Variants in EFHB observed in about 807,000 individuals in gnomAD.
The protein encoded by EFHB is EF-hand domain family member B, also known as EF-hand domain-containing family member B.
Under a neutral mutation model 87.2 loss-of-function variants are expected in EFHB, and 91 were observed. The observed-to-expected ratio is 1.04, with a 90% CI of 0.88 to 1.24. The LOEUF is 1.24. Ranked by LOEUF, EFHB falls within the 50% of genes most tolerant of loss-of-function variation. The probability of loss-of-function intolerance (pLI) is 0.00; values close to 1 mark genes in which losing one functional copy is unlikely to be tolerated. For synonymous variants in EFHB, 325 were observed against 333.6 expected (o/e 0.97, Z 0.28); for missense variants, 1,084 against 998.8 (o/e 1.09, Z -1.15).
chr3:19,900,077 A>T (rs1282432333), intron 6 of EFHB, among the ~76,000 whole-genome samples: 1 of 152,078 alleles, frequency 6.6e-6, no homozygotes, highest in Non-Finnish European at 1.5e-5. Context: ...TGTCTCAAAA[A>T]AATAAAATAA....
At chr3:19,908,658 G>GAA (rs1694952730) in intron 5 of EFHB, among the ~76,000 whole-genome samples, 1 of 146,840 alleles carries the variant, frequency 6.8e-6, no homozygotes, top group Admixed American at 6.9e-5. Flanking sequence ...GAAAGAAAAA[G>GAA]AAAGTTCTGT....
chr3:19,886,356 T>C (rs1295840097), intron 10 of EFHB, among the ~76,000 whole-genome samples: 1 of 152,180 alleles, frequency 6.6e-6, no homozygotes, highest in Non-Finnish European at 1.5e-5. Flanking sequence ...GTGAAAATAG[T>C]AGTATCTCCA....
At chr3:19,945,117 G>T (rs1559482084) in intron 1 of EFHB, among the ~76,000 whole-genome samples, 1 of 152,196 alleles carries the variant, frequency 6.6e-6, no homozygotes, top group Non-Finnish European at 1.5e-5. Flanking sequence ...CAGCAGTTAT[G>T]GGCAATGATA....
At chr3:19,942,431 A>G (rs1168121513) in intron 1 of EFHB, 2 of 152,364 alleles carry the variant, frequency 1.3e-5, no homozygotes, top group Admixed American at 1.3e-4. Context: ...AGAATAACAG[A>G]GCAGCTGTCC....
At position 19,908,598 on chromosome 3, in the gene EFHB, G is replaced by GAGAGAA. The variant is rs1694937855; in HGVS notation, c.1289-2850_1289-2849insTTCTCT. ...AGAGAGAGAGAGAGAGAGAGAGAGA[G>GAGAGAA]AGAAAGAAAGAAAGAAAGAAAGAAA... is the stretch of plus-strand genomic sequence containing the variant. On this transcript the variant is annotated intron_variant, in intron 5 of 12. Coordinates refer to ENST00000295824, the MANE Select transcript of EFHB (RefSeq NM_144715.4). Among the ~76,000 whole-genome samples, 293 of 77,772 alleles carry GAGAGAA rather than the reference G, an allele frequency of 3.8e-3. 1 individual carries two copies. Among genetic ancestry groups the GAGAGAA allele is most frequent in the Middle Eastern group, 0.014 (2 of 142 alleles). The allele number at this position is 77,772 out of a possible 152,430, so 51.0% of individuals were successfully genotyped here.
chr3:19,900,195 A>G (rs111437678), intron 6 of EFHB, among the ~76,000 whole-genome samples: 57 of 151,266 alleles, frequency 3.8e-4, no homozygotes, highest in Admixed American at 5.2e-4. Context: ...TGGAGGATCA[A>G]TCGAGGCTAG....
intron 5 of EFHB, among the ~76,000 whole-genome samples, chr3:19,909,482 T>C (rs1694983213): frequency 6.6e-6 from 1 of 152,148 alleles, no homozygotes; most frequent in Non-Finnish European, 1.5e-5. Context: ...TGAAAGGCAG[T>C]CTAGGCCATA....
chr3:19,920,105 C>T, intron 2 of EFHB, 129 bp from the exon 3 acceptor site: 1 of 941,882 alleles, frequency 1.1e-6, no homozygotes. Context: ...ACTACAGCCC[C>T]AAATAATGAA....
chr3:19,933,803 C>G lies in EFHB; in HGVS notation c.216G>C (p.Met72Ile). The stretch of plus-strand genomic sequence containing the variant: ...TAGAAATATTCTGTCTTTCTAATCC[C>G]ATTTCAAGCCCCTTGCTCAATGGAA... ...TKFPLSKGLE[M>I]GLERQNISRT... The change falls in exon 1 of 13, where the codon ATG becomes ATC. Residue 72 changes from methionine (M) to isoleucine (I), a missense_variant. Transcript: ENST00000295824. 1.2e-6 allele frequency: 2 copies of G among 1,613,986 alleles called. No homozygotes were observed. Among genetic ancestry groups the G allele is most frequent in the Non-Finnish European group, 1.7e-6 (2 of 1,179,890 alleles).
chr3:19,935,136 C>A (rs1410227688), upstream of EFHB, among the ~76,000 whole-genome samples: 4 of 152,088 alleles, frequency 2.6e-5, no homozygotes, highest in African/African-American at 9.7e-5. Context: ...GTCTCAAACA[C>A]CTGACCTCAA....
Position 19,885,053 on chromosome 3 carries a change from C to T in EFHB, c.1934-438G>A, listed in dbSNP as rs893449298. On this transcript the variant is annotated intron_variant, in intron 10 of 12. Coordinates refer to ENST00000295824, the MANE Select transcript of EFHB (RefSeq NM_144715.4). ...CCTGGCCAACATGATGAAACCCCGT[C>T]TCTATTAAAAATATAAAAGTTAGTC... 2.0e-5 allele frequency among the ~76,000 whole-genome samples: 3 copies of T among 151,852 alleles called. No individual in the cohort carries two copies. In the South Asian group the frequency reaches 6.2e-4, roughly 32 times the overall value.
At chr3:19,897,738 A>G (rs958868980) in intron 8 of EFHB, among the ~76,000 whole-genome samples, 4 of 152,090 alleles carry the variant, frequency 2.6e-5, no homozygotes, top group Non-Finnish European at 1.5e-5. Flanking sequence ...TTTCCTAATC[A>G]TCCCTTACCC....
At chr3:19,939,400 T>G (rs9811868) in intron 1 of EFHB, among the ~76,000 whole-genome samples, 42 of 111,442 alleles carry the variant, frequency 3.8e-4, no homozygotes, top group African/African-American at 1.2e-3. Flanking sequence ...TTTTTTTTTT[T>G]GGGATGGAGT....
chr3:19,918,500 G>T, intron 3 of EFHB, 88 bp from the exon 4 acceptor site: 2 of 1,229,852 alleles, frequency 1.6e-6, no homozygotes, highest in Non-Finnish European at 2.2e-6. Flanking sequence ...GGGGAGAGGA[G>T]ACTGTACGAT....
chr3:19,918,924 G>A (rs760698158), intron 3 of EFHB, among the ~76,000 whole-genome samples: 2 of 147,046 alleles, frequency 1.4e-5, no homozygotes, highest in Non-Finnish European at 3.0e-5. Context: ...AGGTTATAGT[G>A]AGCCAAGACC....
chr3:19,908,453 A>G (rs1032073800), intron 5 of EFHB, among the ~76,000 whole-genome samples: 7 of 151,854 alleles, frequency 4.6e-5, no homozygotes, highest in African/African-American at 1.7e-4. Flanking sequence ...GAATTGCTTG[A>G]ACCCAGGAGG....
rs1215013641 is a variant in EFHB, at chr3:19,897,932, T to C, written c.1570+846A>G. On this transcript the variant is annotated intron_variant, in intron 8 of 12. Transcript: ENST00000295824. Reference sequence around the variant, plus strand: ...CAATGAGTTGACTTTAGCCAAAACATTTTTCATAGTGGTTCTTAAACGTTA... The same window carrying C: ...CAATGAGTTGACTTTAGCCAAAACACTTTTCATAGTGGTTCTTAAACGTTA... Among the ~76,000 whole-genome samples the C allele has an allele frequency of 2.0e-5, 3 of 152,306 alleles. No homozygotes were observed. In the East Asian group the frequency reaches 5.8e-4, roughly 29 times the overall value.
In EFHB at chr3:19,943,383, C is replaced by T. The variant is rs1696204063; in HGVS notation, c.-32+3536G>A. 3 of 158,626 alleles carry T rather than the reference C, an allele frequency of 1.9e-5. No homozygotes were observed. The South Asian group carries it at 5.2e-4, about 27-fold the overall frequency. 9.8% of individuals were successfully genotyped at this position (158,626 alleles called of 1,614,324 possible). On this transcript the variant is annotated intron_variant, in intron 1 of 14. Transcript: ENST00000344838. ...ATAGGAACCCCAAAAGTGGCCACAG[C>T]ATTCAATAAATCCCCATAAATTCTT... is the stretch of plus-strand genomic sequence containing the variant.
rs762051850 is a variant in EFHB at position 19,888,442 on chromosome 3, A to G, written c.1933+2T>C. The G allele has an allele frequency of 1.5e-6, 2 of 1,369,236 alleles. No homozygotes were observed. The highest frequency in any genetic ancestry group is 3.9e-5 in the South Asian group (2 of 50,772). 84.8% of individuals were successfully genotyped at this position (1,369,236 alleles called of 1,614,324 possible). A position where few individuals can be genotyped will look rare whatever the true frequency, so the allele number is the denominator to read the frequency against. On this transcript the variant is annotated splice_donor_variant, in intron 10 of 12. Coordinates refer to ENST00000295824, the MANE Select transcript of EFHB (RefSeq NM_144715.4). LOFTEE classifies it high-confidence loss of function. ...TTCATCAAACCTTCAAAAATTAAAT[A>G]CCTTTAATAATGACCCTCTCTTCAT...
Sources: allele counts gnomAD v4.1 joint callset (sites outside exome capture counted in the v4.1 genomes callset), GRCh38; gene constraint gnomAD v4.1.1; transcripts MANE v1.5; gene names NCBI Gene and HGNC (gene_info 2026-07-23, HGNC 2026-07-21).